Variants in BRD10 observed in about 807,000 individuals in gnomAD.
BRD10 encodes bromodomain containing 10, also known as uncharacterized bromodomain-containing protein 10.
At chr9:6,008,319 G>T in the BRD10 span, 1 of 985,038 alleles carries the variant, frequency 1.0e-6, no homozygotes, top group Non-Finnish European at 1.2e-6. Flanking sequence ...GTGCACGGAC[G>T]GGGCCCGGCG....
At chr9:5,999,759 C>G in the BRD10 span, among the ~76,000 whole-genome samples, 1 of 152,288 alleles carries the variant, frequency 6.6e-6, no homozygotes, top group East Asian at 1.9e-4. Context: ...GCCTGAATAA[C>G]CTCTACACCA....
the BRD10 span, among the ~76,000 whole-genome samples, chr9:5,977,327 A>G: frequency 6.6e-6 from 1 of 152,176 alleles, no homozygotes; most frequent in Non-Finnish European, 1.5e-5. Flanking sequence ...TGAATACTAA[A>G]GAGATGTGAG....
chr9:5,983,918 A>G, the BRD10 span, among the ~76,000 whole-genome samples: 16 of 151,666 alleles, frequency 1.1e-4, 1 homozygote, highest in South Asian at 1.9e-3. Context: ...TAAAGTGCTG[A>G]TAGGAAAAAA....
chr9:5,919,248 TA>T, the BRD10 span: 2 of 155,546 alleles, frequency 1.3e-5, no homozygotes, highest in African/African-American at 2.4e-5. Context: ...TATATATATG[TA>T]TTTTTTTTTT....
chr9:5,886,951 C>T, the BRD10 span, among the ~76,000 whole-genome samples: 1 of 152,178 alleles, frequency 6.6e-6, no homozygotes, highest in Non-Finnish European at 1.5e-5. Context: ...TCAGGTCTCC[C>T]TCGTTGAGCT....
At chr9:5,919,749 G>C in the BRD10 span, 9 of 1,613,474 alleles carry the variant, frequency 5.6e-6, no homozygotes, top group Non-Finnish European at 7.6e-6. Flanking sequence ...ACAGACGCAG[G>C]ACTTCGACTG....
the BRD10 span, among the ~76,000 whole-genome samples, chr9:5,918,571 T>C: frequency 4.0e-4 from 60 of 151,400 alleles, no homozygotes; most frequent in Non-Finnish European, 7.2e-4. Context: ...AAATTAGGCA[T>C]GGTGGCCCAT....
chr9:5,951,577 T>C, the BRD10 span, among the ~76,000 whole-genome samples: 5 of 152,156 alleles, frequency 3.3e-5, no homozygotes, highest in Non-Finnish European at 5.9e-5. Flanking sequence ...TAAAACACCT[T>C]GAACAAAACA....
the BRD10 span, among the ~76,000 whole-genome samples, chr9:5,966,178 T>TA: frequency 6.6e-6 from 1 of 152,176 alleles, no homozygotes; most frequent in African/African-American, 2.4e-5. Context: ...AACTAAGGCT[T>TA]AGAGTACTTG....
the BRD10 span, among the ~76,000 whole-genome samples, chr9:6,006,986 TCTC>T: frequency 1.3e-5 from 2 of 152,120 alleles, no homozygotes; most frequent in Non-Finnish European, 2.9e-5. Flanking sequence ...CGGGTTTCCT[TCTC>T]AGTCTACGCG....
chr9:5,890,171 G>A, the BRD10 span, among the ~76,000 whole-genome samples: 7 of 152,182 alleles, frequency 4.6e-5, no homozygotes, highest in African/African-American at 1.4e-4. Flanking sequence ...GGTCATAAGC[G>A]TGATGATTGG....
At chr9:5,906,833 T>G in the BRD10 span, 1 of 1,209,270 alleles carries the variant, frequency 8.3e-7, no homozygotes, top group African/African-American at 1.6e-5. Flanking sequence ...TTTTCTTTAA[T>G]GGATTCAGTT....
At chr9:5,879,459 G>T in the BRD10 span, among the ~76,000 whole-genome samples, 1 of 152,216 alleles carries the variant, frequency 6.6e-6, no homozygotes, top group South Asian at 2.1e-4. Context: ...CCGGCTGCTG[G>T]CAGGCATTGT....
the BRD10 span, among the ~76,000 whole-genome samples, chr9:5,982,971 G>GT: frequency 3.3e-5 from 5 of 152,028 alleles, no homozygotes; most frequent in East Asian, 1.9e-4. Flanking sequence ...TATTTTTATT[G>GT]TTTTTTTCCC....
chr9:5,904,681 C>T, the BRD10 span, among the ~76,000 whole-genome samples: 1 of 151,988 alleles, frequency 6.6e-6, no homozygotes, highest in Non-Finnish European at 1.5e-5. Flanking sequence ...TCATGTTGGC[C>T]AGGCTGGAAC....
At chr9:5,955,736 C>A in the BRD10 span, among the ~76,000 whole-genome samples, 1 of 149,466 alleles carries the variant, frequency 6.7e-6, no homozygotes, top group South Asian at 2.1e-4. Flanking sequence ...AATAACCCAA[C>A]ATATATTTCT....
the BRD10 span, chr9:6,007,249 T>G: frequency 6.2e-7 from 1 of 1,613,916 alleles, no homozygotes; most frequent in East Asian, 2.2e-5. Context: ...CTGGCCCTGT[T>G]TGGAGATCCA....
chr9:5,902,294 T>A, the BRD10 span, among the ~76,000 whole-genome samples: 1 of 152,334 alleles, frequency 6.6e-6, no homozygotes, highest in Non-Finnish European at 1.5e-5. Flanking sequence ...TGAGCATAGT[T>A]CATAGTATTC....
At chr9:5,989,545 T>C in the BRD10 span, among the ~76,000 whole-genome samples, 1 of 150,226 alleles carries the variant, frequency 6.7e-6, no homozygotes, top group Admixed American at 6.6e-5. Flanking sequence ...TGTAAATTTT[T>C]TTTTTTTTTT....
Sources: gnomAD v4.1 joint callset for allele counts (sites outside exome capture counted in the v4.1 genomes callset) on GRCh38, gnomAD v4.1.1 for gene constraint, MANE v1.5 for transcripts, NCBI Gene and HGNC (gene_info 2026-07-23, HGNC 2026-07-21) for gene names.